CASR: variants seen among roughly 807,000 people sequenced by gnomAD.
The protein encoded by CASR is calcium sensing receptor.
In CASR, 23 loss-of-function variants were observed where a neutral mutation model predicts 69.1. That is an observed-to-expected ratio of 0.33 (90% CI 0.24 to 0.47). The LOEUF is 0.47. CASR is among the 20% of genes least tolerant of loss of function. CASR has a pLI of 1.00. For missense variants in CASR, 924 were observed against 1,356.1 expected (o/e 0.68, Z 5.00); for synonymous variants, 541 against 544.7 (o/e 0.99, Z 0.10).
chr3:122,244,000 G>A (rs1301511616), intron 1 of CASR, among the ~76,000 whole-genome samples: 1 of 152,158 alleles, frequency 6.6e-6, no homozygotes, highest in African/African-American at 2.4e-5. Flanking sequence ...AACATTGAGA[G>A]TAGAAAGATG....
At chr3:122,209,656 A>G (rs2074042479) in intron 1 of CASR, among the ~76,000 whole-genome samples, 1 of 152,190 alleles carries the variant, frequency 6.6e-6, no homozygotes, top group Non-Finnish European at 1.5e-5. Context: ...ACACGTGGGA[A>G]CTATGGGAGT....
intron 4 of CASR, among the ~76,000 whole-genome samples, chr3:122,263,918 G>T (rs1489253092): frequency 2.2e-4 from 33 of 152,108 alleles, no homozygotes; most frequent in East Asian, 1.9e-4. Context: ...TGTTACTATT[G>T]TCTTTTCTTT....
intron 1 of CASR, among the ~76,000 whole-genome samples, chr3:122,195,239 A>G (rs192346622): frequency 3.9e-5 from 6 of 152,300 alleles, no homozygotes; most frequent in African/African-American, 1.4e-4. Context: ...TGGGCCTCCC[A>G]GCAAAAGGGT....
intron 1 of CASR, chr3:122,246,838 G>A (rs906907837): frequency 1.3e-5 from 2 of 152,160 alleles, no homozygotes; most frequent in Admixed American, 6.5e-5. Flanking sequence ...GCAAGTGGAT[G>A]GGGAAAGGCT....
chr3:122,273,551 ACT>A (rs1307829599), intron 4 of CASR, among the ~76,000 whole-genome samples: 1 of 151,974 alleles, frequency 6.6e-6, no homozygotes, highest in African/African-American at 2.4e-5. Flanking sequence ...GATAGTGGAA[ACT>A]CTATGATTAG....
At chr3:122,260,295 T>C (rs976349326) in intron 3 of CASR, among the ~76,000 whole-genome samples, 1 of 152,210 alleles carries the variant, frequency 6.6e-6, no homozygotes, top group Admixed American at 6.5e-5. Flanking sequence ...ATGCTTTACA[T>C]GGTATTTGGC....
rs201955278 is a variant in CASR, at chr3:122,282,169, T to C, written c.1665T>C (p.Ile555=). 169 of 1,614,200 alleles carry C rather than the reference T, an allele frequency of 1.0e-4. 2 individuals carry two copies. In the South Asian group the frequency reaches 1.8e-3, roughly 17 times the overall value. The change falls in exon 6 of 7, where the codon ATT becomes ATC. Residue 555 remains isoleucine, a synonymous_variant. Coordinates refer to ENST00000639785, the MANE Select transcript of CASR (RefSeq NM_000388.4). ...TGGCAGGGACCAGGAAAGGGATCAT[T>C]GAGGGGGAGCCCACCTGCTGCTTTG... ...DCLAGTRKGI[I]EGEPTCCFEC... is the part of the protein sequence containing the mutation.
intron 3 of CASR, among the ~76,000 whole-genome samples, chr3:122,259,441 C>T (rs557143077): frequency 2.1e-4 from 32 of 151,950 alleles, no homozygotes; most frequent in South Asian, 8.3e-4. Flanking sequence ...TGTGGTATTT[C>T]GAGAATACCT....
chr3:122,192,708 G>A lies in CASR; in HGVS notation c.-243+8896G>A, dbSNP rs1476023328. ...CCCAGGGCTCTCAAACTTTAAGGTGGGGAATATTCTTAATGCATAGATTAC... is the reference window on the plus strand; with the variant it reads ...CCCAGGGCTCTCAAACTTTAAGGTGAGGAATATTCTTAATGCATAGATTAC... On this transcript the variant is annotated intron_variant, in intron 1 of 6. Transcript: ENST00000639785. Among the ~76,000 whole-genome samples the A allele has an allele frequency of 3.9e-5, 6 of 152,156 alleles. No homozygotes were observed. The South Asian group carries it at 8.3e-4, about 21-fold the overall frequency.
At chr3:122,208,190 T>C (rs1422543902) in intron 1 of CASR, among the ~76,000 whole-genome samples, 1 of 152,138 alleles carries the variant, frequency 6.6e-6, no homozygotes, top group Admixed American at 6.6e-5. Context: ...AAATGATTCT[T>C]TTATACTTTA....
At chr3:122,221,402 A>G (rs907728285) in intron 1 of CASR, among the ~76,000 whole-genome samples, 8 of 152,168 alleles carry the variant, frequency 5.3e-5, no homozygotes, top group African/African-American at 1.9e-4. Context: ...ACCCCTGCCC[A>G]TAGCACACCT....
intron 3 of CASR, among the ~76,000 whole-genome samples, chr3:122,259,270 T>G (rs1188767754): frequency 6.6e-6 from 1 of 152,132 alleles, no homozygotes; most frequent in Non-Finnish European, 1.5e-5. Flanking sequence ...TTTGAAAAAC[T>G]CAAGAAGCAA....
chr3:122,197,691 T>G (rs2073903104), intron 1 of CASR, among the ~76,000 whole-genome samples: 1 of 152,200 alleles, frequency 6.6e-6, no homozygotes, highest in Admixed American at 6.5e-5. Flanking sequence ...TGCTGTTGAT[T>G]CATATTGATC....
chr3:122,201,731 T>C (rs1404282206), intron 1 of CASR, among the ~76,000 whole-genome samples: 3 of 150,186 alleles, frequency 2.0e-5, no homozygotes, highest in African/African-American at 7.4e-5. Flanking sequence ...CGCTCCTCAC[T>C]TCCCAGACGG....
chr3:122,256,640 T>C, intron 2 of CASR, among the ~76,000 whole-genome samples: 1 of 152,174 alleles, frequency 6.6e-6, no homozygotes, highest in Non-Finnish European at 1.5e-5. Flanking sequence ...ATTTTTGAGA[T>C]GGAGTCTCAC....
chr3:122,251,881 A>C (rs1269484121), intron 1 of CASR, among the ~76,000 whole-genome samples: 3 of 152,258 alleles, frequency 2.0e-5, no homozygotes, highest in Non-Finnish European at 4.4e-5. Flanking sequence ...CCAGGTGTGA[A>C]TCCAGAGCCT....
chr3:122,212,550 C>T (rs577840557), intron 1 of CASR, among the ~76,000 whole-genome samples: 71 of 151,832 alleles, frequency 4.7e-4, no homozygotes, highest in African/African-American at 1.4e-3. Flanking sequence ...ACATGTATAC[C>T]GGAACTTAAA....
intron 4 of CASR, among the ~76,000 whole-genome samples, chr3:122,265,490 T>A (rs964086669): frequency 6.6e-6 from 1 of 152,208 alleles, no homozygotes; most frequent in East Asian, 1.9e-4. Context: ...TCCAGAACCA[T>A]GCCTGTATTG....
At chr3:122,224,734 A>G (rs776935263) in intron 1 of CASR, among the ~76,000 whole-genome samples, 9 of 152,232 alleles carry the variant, frequency 5.9e-5, no homozygotes, top group Non-Finnish European at 1.0e-4. Flanking sequence ...TGAATAGCCA[A>G]AATAATCCTA....
Sources: gnomAD v4.1 joint callset for allele counts (sites outside exome capture counted in the v4.1 genomes callset) on GRCh38, gnomAD v4.1.1 for gene constraint, MANE v1.5 for transcripts, NCBI Gene and HGNC (gene_info 2026-07-23, HGNC 2026-07-21) for gene names.